CPA6: variants seen among roughly 807,000 people sequenced by gnomAD.
CPA6 encodes the protein carboxypeptidase B.
Under a neutral mutation model 63.3 loss-of-function variants are expected in CPA6, and 58 were observed. That is an observed-to-expected ratio of 0.92 (90% CI 0.74 to 1.14). The LOEUF (loss-of-function observed/expected upper bound fraction) is 1.14, where lower values mean the gene tolerates loss of function less well. CPA6 is among the 50% of genes most tolerant of loss of function. The pLI is 0.00. For missense variants in CPA6, 565 were observed against 526.6 expected, an observed-to-expected ratio of 1.07 and a Z score of -0.71; for synonymous variants, 185 against 179.0, an observed-to-expected ratio of 1.03 and a Z score of -0.27.
At chr8:67,431,957 A>T (rs1162800649) in intron 9 of CPA6, among the ~76,000 whole-genome samples, 1 of 152,150 alleles carries the variant, frequency 6.6e-6, no homozygotes, top group Non-Finnish European at 1.5e-5. Context: ...AAAGGGAATG[A>T]TTCTCTTTAA....
At chr8:67,568,974 CT>C (rs1423413563) in intron 2 of CPA6, among the ~76,000 whole-genome samples, 1 of 152,210 alleles carries the variant, frequency 6.6e-6, no homozygotes, top group African/African-American at 2.4e-5. Context: ...TGGTCTCAAG[CT>C]CCTGACCTCA....
chr8:67,735,118 T>A (rs142000721), intron 1 of CPA6: 3 of 152,206 alleles, frequency 2.0e-5, no homozygotes, highest in Non-Finnish European at 4.4e-5. Context: ...AGGAAGAGTG[T>A]GTTGACCTAA....
chr8:67,457,992 A>G (rs576515340), intron 8 of CPA6, among the ~76,000 whole-genome samples: 1 of 152,320 alleles, frequency 6.6e-6, no homozygotes, highest in East Asian at 1.9e-4. Context: ...GTCAGGCAAT[A>G]CAATGGAGCA....
intron 2 of CPA6, among the ~76,000 whole-genome samples, chr8:67,616,028 T>G (rs1008647854): frequency 6.6e-6 from 1 of 152,180 alleles, no homozygotes; most frequent in Admixed American, 6.5e-5. Flanking sequence ...GGTGCAATTT[T>G]GACTGGCCCT....
chr8:67,668,495 G>C (rs1816277982), intron 1 of CPA6, among the ~76,000 whole-genome samples: 1 of 152,186 alleles, frequency 6.6e-6, no homozygotes, highest in Non-Finnish European at 1.5e-5. Context: ...TATAAAGGCA[G>C]AGCCAGCTCT....
chr8:67,514,904 G>A (rs551606086), intron 3 of CPA6, among the ~76,000 whole-genome samples: 11 of 152,316 alleles, frequency 7.2e-5, no homozygotes, highest in South Asian at 2.1e-4. Context: ...GCACAGCTGC[G>A]ATTCTGTTCT....
chr8:67,738,648 C>G (rs967711162), intron 1 of CPA6, among the ~76,000 whole-genome samples: 24 of 152,142 alleles, frequency 1.6e-4, no homozygotes, highest in African/African-American at 5.8e-4. Flanking sequence ...AGAACAAAGG[C>G]TATAATTATG....
intron 1 of CPA6, among the ~76,000 whole-genome samples, chr8:67,674,387 C>T (rs967557068): frequency 7.9e-5 from 12 of 152,210 alleles, no homozygotes; most frequent in African/African-American, 2.9e-4. Flanking sequence ...CAAAGGACCA[C>T]AACTGAAAAA....
rs56275918 is a variant in CPA6, at chr8:67,716,151, C to CAAAAAAAAAAA, written c.116+29852_116+29862dup. Among the ~76,000 whole-genome samples, 3 of 76,548 alleles carry CAAAAAAAAAAA rather than the reference C, an allele frequency of 3.9e-5. 1 individual carries two copies. The highest frequency in any genetic ancestry group is 2.0e-4 in the African/African-American group (3 of 14,898). 50.2% of individuals were successfully genotyped at this position (76,548 alleles called of 152,430 possible). On this transcript the variant is annotated intron_variant, in intron 1 of 10. Coordinates refer to ENST00000297770, the MANE Select transcript of CPA6 (RefSeq NM_020361.5). ...CCTGGGCGAGAGAGTGAGCTTGTCT[C>CAAAAAAAAAAA]AAAAAAAAAAAAAAAAAAAAAAAAA...
At chr8:67,662,927 CAGG>C (rs1351285481) in intron 1 of CPA6, among the ~76,000 whole-genome samples, 2 of 152,040 alleles carry the variant, frequency 1.3e-5, no homozygotes, top group Non-Finnish European at 2.9e-5. Flanking sequence ...TGAGGGGAAG[CAGG>C]AGAAGACAGA....
At chr8:67,491,128 C>T (rs1019028057) in intron 6 of CPA6, among the ~76,000 whole-genome samples, 27 of 151,796 alleles carry the variant, frequency 1.8e-4, no homozygotes, top group Admixed American at 1.5e-3. Context: ...CTGGTAAACA[C>T]TGCGGCACCA....
intron 2 of CPA6, among the ~76,000 whole-genome samples, chr8:67,549,861 C>T (rs1307271706): frequency 1.3e-5 from 2 of 152,118 alleles, no homozygotes; most frequent in Non-Finnish European, 2.9e-5. Context: ...CGTATATAAA[C>T]CACATTTTCT....
intron 1 of CPA6, among the ~76,000 whole-genome samples, chr8:67,730,381 C>A (rs1424524696): frequency 6.6e-6 from 1 of 152,220 alleles, no homozygotes; most frequent in Non-Finnish European, 1.5e-5. Context: ...AACTTCCAGA[C>A]CCTCTGTGGG....
chr8:67,583,754 A>G (rs1252134284), intron 2 of CPA6, among the ~76,000 whole-genome samples: 2 of 152,090 alleles, frequency 1.3e-5, no homozygotes, highest in African/African-American at 4.8e-5. Flanking sequence ...GGAAGAGGTT[A>G]TTTTTGTTCA....
Position 67,422,371 on chromosome 8 carries a change from C to T in CPA6, c.*133G>A, listed in dbSNP as rs1202041941. 8 of 639,494 alleles carry T rather than the reference C, an allele frequency of 1.3e-5. No homozygotes were observed. Among genetic ancestry groups the T allele is most frequent in the African/African-American group, 3.6e-5 (2 of 55,680 alleles). The allele number at this position is 639,494 out of a possible 1,614,324, so 39.6% of individuals were successfully genotyped here. On this transcript the variant is annotated 3_prime_UTR_variant, in exon 11 of 11. Transcript: ENST00000297770. ...TTTCTATTGCCACAAAGTCAAATTG[C>T]GTGGGGTCTTTTTAAAGTCCATAGA...
intron 10 of CPA6, among the ~76,000 whole-genome samples, chr8:67,425,742 CA>C (rs1809868255): frequency 6.6e-6 from 1 of 152,090 alleles, no homozygotes; most frequent in African/African-American, 2.4e-5. Flanking sequence ...CCCTTTGCTT[CA>C]GTTAAGGACA....
intron 1 of CPA6, among the ~76,000 whole-genome samples, chr8:67,679,004 G>A (rs1289415141): frequency 6.6e-6 from 1 of 152,162 alleles, no homozygotes; most frequent in African/African-American, 2.4e-5. Flanking sequence ...TCCGACAGAG[G>A]TAAAATTAAG....
At chr8:67,650,231 A>G (rs982256993) in intron 1 of CPA6, among the ~76,000 whole-genome samples, 2 of 152,196 alleles carry the variant, frequency 1.3e-5, no homozygotes, top group East Asian at 1.9e-4. Flanking sequence ...TTGTGCAATC[A>G]TATCAACCAG....
chr8:67,735,800 A>G (rs1817801330), intron 1 of CPA6: 1 of 151,994 alleles, frequency 6.6e-6, no homozygotes, highest in African/African-American at 2.4e-5. Context: ...AATAGAATCA[A>G]CTAAGTTCTT....
Sources: gnomAD v4.1 joint callset for allele counts (sites outside exome capture counted in the v4.1 genomes callset) on GRCh38, gnomAD v4.1.1 for gene constraint, MANE v1.5 for transcripts, NCBI Gene and HGNC (gene_info 2026-07-23, HGNC 2026-07-21) for gene names.